Variants in NHSL1 observed in about 807,000 individuals in gnomAD.
NHSL1 encodes the protein NHS like 1.
Under a neutral mutation model 95.0 loss-of-function variants are expected in NHSL1, and 48 were observed. The observed-to-expected ratio is 0.51, with a 90% CI of 0.40 to 0.64. NHSL1 has a LOEUF of 0.64. Ranked by LOEUF, NHSL1 falls within the 30% of genes least tolerant of loss-of-function variation. The pLI, the probability that NHSL1 is intolerant of heterozygous loss-of-function variation, is 0.00. For synonymous variants in NHSL1, 783 were observed against 833.9 expected (o/e 0.94, Z 1.05); for missense variants, 1,971 against 2,077.7 (o/e 0.95, Z 1.00).
chr6:138,601,861 C>CTCAA (rs1441794678), intron 1 of NHSL1, among the ~76,000 whole-genome samples: 5 of 152,010 alleles, frequency 3.3e-5, no homozygotes, highest in Non-Finnish European at 7.4e-5. Flanking sequence ...ATCACAAAAA[C>CTCAA]TCAAGAATTT....
intron 3 of NHSL1, among the ~76,000 whole-genome samples, chr6:138,466,850 A>AAG (rs1202930936): frequency 6.6e-6 from 1 of 151,990 alleles, no homozygotes; most frequent in African/African-American, 2.4e-5. Flanking sequence ...TTGGGAGGCT[A>AAG]AGGCGGGTGG....
chr6:138,660,189 T>C (rs1377558851), intron 1 of NHSL1, among the ~76,000 whole-genome samples: 4 of 152,190 alleles, frequency 2.6e-5, no homozygotes, highest in Non-Finnish European at 4.4e-5. Flanking sequence ...TACACCTACG[T>C]AGTTCCTTTT....
chr6:138,432,125 G>A lies in NHSL1; in HGVS notation c.2220C>T (p.Ser740=). 6.4e-7 allele frequency: 1 copy of A among 1,550,396 alleles called. No individual in the cohort carries two copies. The highest frequency in any genetic ancestry group is 8.7e-7 in the Non-Finnish European group (1 of 1,146,158). ...EPWLPRSRSQ[S]TVSAGSSMTS... ...TCATGCTGCTGCCAGCACTAACTGTGCTCTGGCTCCGGGAGCGGGGCAGCC... is the reference window on the plus strand; with the variant it reads ...TCATGCTGCTGCCAGCACTAACTGTACTCTGGCTCCGGGAGCGGGGCAGCC... The change falls in exon 6 of 8, where the codon AGC becomes AGT. Residue 740 remains serine (S), a synonymous_variant. Transcript: ENST00000343505. This position sits in a 1 kb window ranked among gnomAD's most constrained non-coding sequence, Gnocchi z 4.4.
chr6:138,501,579 G>C (rs1054853939), upstream of NHSL1, among the ~76,000 whole-genome samples: 1 of 152,224 alleles, frequency 6.6e-6, no homozygotes, highest in African/African-American at 2.4e-5. Context: ...TAAAGAGAGA[G>C]AGAGAGATTC....
chr6:138,466,206 AT>A (rs755409821), intron 3 of NHSL1, among the ~76,000 whole-genome samples: 1 of 151,194 alleles, frequency 6.6e-6, no homozygotes, highest in African/African-American at 2.4e-5. Context: ...TGCCCAGCCA[AT>A]TTTTTTTGTA....
rs1429423311 is a variant in NHSL1, at chr6:138,483,333, G to A, written c.212-9900C>T. Among the ~76,000 whole-genome samples the A allele has an allele frequency of 3.9e-5, 6 of 152,192 alleles. No homozygotes were observed. In the South Asian group the frequency reaches 6.2e-4, roughly 16 times the overall value. On this transcript the variant is annotated intron_variant, in intron 2 of 7. Transcript: ENST00000343505. ...CACAAATGATCCACACTCGCCAAGC[G>A]AATAACTTAAAAGGGAACATAGGAT...
chr6:138,430,424 C>T lies in NHSL1; in HGVS notation c.3921G>A (p.Gly1307=). The change falls in exon 6 of 8, where the codon GGG becomes GGA. Residue 1307 remains glycine, a synonymous_variant. Transcript: ENST00000343505. This position sits in a 1 kb window ranked among gnomAD's most constrained non-coding sequence, Gnocchi z 4.7. ...CGTCCTGTTGAGATAGGCAGCTCTC[C>T]CCATCGCCCCCAGTATCCGCACTGT... ...AENSADTGGD[G]ESCLSQQDGA... is the part of the protein sequence containing the mutation. The T allele has an allele frequency of 1.3e-6, 2 of 1,497,846 alleles. No individual in the cohort carries two copies. The highest frequency in any genetic ancestry group is 2.2e-5 in the Admixed American group (1 of 45,330). The allele number at this position is 1,497,846 out of a possible 1,614,324, so 92.8% of individuals were successfully genotyped here. A position where few individuals can be genotyped will look rare whatever the true frequency, so the allele number is the denominator to read the frequency against.
At chr6:138,490,923 C>T (rs560015806) in intron 2 of NHSL1, among the ~76,000 whole-genome samples, 16 of 152,284 alleles carry the variant, frequency 1.1e-4, no homozygotes, top group East Asian at 3.9e-4. Context: ...TGAGCCACCG[C>T]GCCTGGATGG....
intron 1 of NHSL1, among the ~76,000 whole-genome samples, chr6:138,588,896 T>A (rs776247669): frequency 9.2e-5 from 14 of 152,152 alleles, no homozygotes; most frequent in Non-Finnish European, 1.8e-4. Context: ...TTTTACCTCA[T>A]CCACACACCC....
At chr6:138,548,554 C>T (rs1235978533), upstream of NHSL1, among the ~76,000 whole-genome samples, 2 of 152,216 alleles carry the variant, frequency 1.3e-5, no homozygotes, top group African/African-American at 4.8e-5. Flanking sequence ...GACAATCCTT[C>T]TCCTTCCAAT....
At chr6:138,636,437 A>T (rs1230570034) in intron 1 of NHSL1, among the ~76,000 whole-genome samples, 3 of 152,224 alleles carry the variant, frequency 2.0e-5, no homozygotes, top group Non-Finnish European at 4.4e-5. Context: ...AAGAGAAAGA[A>T]AGAAAGGGCA....
intron 3 of NHSL1, among the ~76,000 whole-genome samples, chr6:138,463,050 C>T (rs1267922652): frequency 6.6e-6 from 1 of 152,116 alleles, no homozygotes; most frequent in African/African-American, 2.4e-5. Context: ...ATGGAGTTAT[C>T]CTCAACTCTT....
At chr6:138,583,752 C>T (rs1784094289) in intron 1 of NHSL1, among the ~76,000 whole-genome samples, 1 of 152,188 alleles carries the variant, frequency 6.6e-6, no homozygotes, top group Admixed American at 6.5e-5. Flanking sequence ...GATATTCCCC[C>T]ACATAATCTA....
intron 2 of NHSL1, among the ~76,000 whole-genome samples, chr6:138,495,557 C>A (rs534667721): frequency 6.6e-6 from 1 of 152,302 alleles, no homozygotes; most frequent in East Asian, 1.9e-4. Context: ...CAAAACTGCC[C>A]ATGTCAGCAG....
At chr6:138,472,867 A>G (rs1171396102) in intron 3 of NHSL1, among the ~76,000 whole-genome samples, 2 of 152,234 alleles carry the variant, frequency 1.3e-5, no homozygotes, top group Non-Finnish European at 2.9e-5. Context: ...CACTGTAAAC[A>G]GTGGGTTCTG....
rs775159994 is a variant in NHSL1, at chr6:138,433,367, C to T, written c.978G>A (p.Pro326=). 1.2e-5 allele frequency: 19 copies of T among 1,552,054 alleles called. No individual in the cohort carries two copies. Among genetic ancestry groups the T allele is most frequent in the African/African-American group, 1.1e-4 (8 of 73,000 alleles). Residue 326 remains proline (P), a synonymous_variant, in exon 6 of 8, where the codon CCG becomes CCA. Coordinates refer to ENST00000343505, the MANE Select transcript of NHSL1 (RefSeq NM_001144060.2). The part of the protein sequence containing the change: ...LDSDAGFHSL[P]RSGARANIQS... Reference sequence around the variant, plus strand: ...GAATGTTTGCCCTTGCTCCAGAACGCGGAAGACTATGGAAGCCAGCATCAC... The same window carrying T: ...GAATGTTTGCCCTTGCTCCAGAACGTGGAAGACTATGGAAGCCAGCATCAC...
intron 1 of NHSL1, among the ~76,000 whole-genome samples, chr6:138,578,836 A>G (rs9495141): frequency 0.26 from 39,414 of 152,032 alleles, 8,468 homozygotes; most frequent in African/African-American, 0.6. Context: ...CACAGACTGT[A>G]TTTAAGTTAG....
chr6:138,537,283 A>G (rs1397831006), intron 1 of NHSL1, among the ~76,000 whole-genome samples: 1 of 152,234 alleles, frequency 6.6e-6, no homozygotes, highest in Non-Finnish European at 1.5e-5. Context: ...TGGCTTACAT[A>G]GCTTTCAAAA....
At chr6:138,606,209 G>C (rs1288735541) in intron 1 of NHSL1, among the ~76,000 whole-genome samples, 1 of 152,140 alleles carries the variant, frequency 6.6e-6, no homozygotes, top group Non-Finnish European at 1.5e-5. Flanking sequence ...GGCTGCAGAG[G>C]AAAGACCTGG....
Sources: allele counts gnomAD v4.1 joint callset (sites outside exome capture counted in the v4.1 genomes callset), GRCh38; gene constraint gnomAD v4.1.1; non-coding constraint Gnocchi (gnomAD v3.1); transcripts MANE v1.5; gene names NCBI Gene and HGNC (gene_info 2026-07-23, HGNC 2026-07-21).